TOPAZ1: variants seen among roughly 807,000 people sequenced by gnomAD.
The protein encoded by TOPAZ1 is testis and ovary specific TOPAZ 1, also known as protein TOPAZ1.
In TOPAZ1, 66 loss-of-function variants were observed where a neutral mutation model predicts 172.2. The ratio of observed to expected loss-of-function variants is 0.38; its 90% CI spans 0.31 to 0.47. The LOEUF is 0.47. TOPAZ1 is among the 20% of genes least tolerant of loss of function. The probability of loss-of-function intolerance (pLI) is 0.99; values close to 1 mark genes in which losing one functional copy is unlikely to be tolerated. For synonymous variants in TOPAZ1, 681 were observed against 683.9 expected, an observed-to-expected ratio of 1.00 and a Z score of 0.07; for missense variants, 1,822 against 1,972.4, an observed-to-expected ratio of 0.92 and a Z score of 1.44.
At chr3:44,263,822 C>T (rs564261054) in intron 5 of TOPAZ1, among the ~76,000 whole-genome samples, 8 of 152,150 alleles carry the variant, frequency 5.3e-5, no homozygotes, top group African/African-American at 1.9e-4. Context: ...GTACTTCTCT[C>T]TCTCCCCTTA....
At position 44,328,308 on chromosome 3, in the gene TOPAZ1, T is replaced by G; in HGVS notation, c.4734T>G (p.Leu1578=). The G allele has an allele frequency of 6.6e-7, 1 of 1,517,584 alleles. No individual in the cohort carries two copies. The highest frequency in any genetic ancestry group is 8.8e-7 in the Non-Finnish European group (1 of 1,134,498). 94.0% of individuals were successfully genotyped at this position (1,517,584 alleles called of 1,614,324 possible). A position where few individuals can be genotyped will look rare whatever the true frequency, so the allele number is the denominator to read the frequency against. The part of the protein sequence containing the change: ...PLEGNLYRKL[L]LIPSYLSEIE... ...AAGGAAATTTATACCGAAAACTTCT[T>G]CTAATTCCATCTTATTTATCTGAGA... is the stretch of plus-strand genomic sequence containing the variant. The change falls in exon 19 of 20, where the codon CTT becomes CTG. Residue 1578 remains leucine, a synonymous_variant. Coordinates refer to ENST00000309765, the MANE Select transcript of TOPAZ1 (RefSeq NM_001145030.2).
In TOPAZ1 at chr3:44,243,628, TAA is replaced by T. The variant is rs1441642939; in HGVS notation, c.1125_1126del (p.Pro377PhefsTer10). 1 of 1,550,016 alleles carries T rather than the reference TAA, an allele frequency of 6.5e-7. No homozygotes were observed. Among genetic ancestry groups the T allele is most frequent in the Non-Finnish European group, 8.7e-7 (1 of 1,146,942 alleles). On this transcript the variant is annotated frameshift_variant, in exon 2 of 20. Coordinates refer to ENST00000309765, the MANE Select transcript of TOPAZ1 (RefSeq NM_001145030.2). LOFTEE classifies it high-confidence loss of function. ...TTGCTGATGGTAAAGAAGCAGAGAC[TAA>T]AAGTCCTTTAAATGTTTTGAGAAAA... ...MIADGKEAETKSPLNVLRKVS... is the reference protein window; with the variant it reads ...MIADGKEAETXSPLNVLRKVS...
chr3:44,244,201 A>C lies in TOPAZ1; in HGVS notation c.1695A>C (p.Leu565Phe), dbSNP rs1172771966. Residue 565 changes from leucine (L) to phenylalanine (F), a missense_variant, in exon 2 of 20, where the codon TTA becomes TTC. Around this residue, in one of 2 missense-constraint regions of TOPAZ1, gnomAD observed 1,489 missense variants for 1,490.8 expected, o/e 1.00. Coordinates refer to ENST00000309765, the MANE Select transcript of TOPAZ1 (RefSeq NM_001145030.2). ...CTGAATCTTCAAGTAAAGAAAAATT[A>C]GATTCTAATTCTAATTGTTTGTCTT... ...TNTESSSKEK[L>F]DSNSNCLSSV... 6.5e-7 allele frequency: 1 copy of C among 1,550,118 alleles called. No homozygotes were observed. Among genetic ancestry groups the C allele is most frequent in the East Asian group, 2.4e-5 (1 of 40,922 alleles).
chr3:44,290,354 G>T (rs1700123136), intron 11 of TOPAZ1, among the ~76,000 whole-genome samples: 1 of 152,180 alleles, frequency 6.6e-6, no homozygotes, highest in Admixed American at 6.5e-5. Context: ...CATGTGGGCA[G>T]TTGGTCCACC....
intron 4 of TOPAZ1, among the ~76,000 whole-genome samples, chr3:44,259,762 C>T (rs1194703816): frequency 6.6e-6 from 1 of 152,168 alleles, no homozygotes; most frequent in Non-Finnish European, 1.5e-5. Flanking sequence ...TTTTGTCCAT[C>T]TGCTTATTTT....
At chr3:44,299,173 G>A (rs562444221) in intron 12 of TOPAZ1, among the ~76,000 whole-genome samples, 13 of 151,108 alleles carry the variant, frequency 8.6e-5, no homozygotes, top group Non-Finnish European at 1.5e-4. Context: ...CACCCACCTC[G>A]GCCTCCCAAA....
At chr3:44,274,821 T>C (rs1249973657) in intron 8 of TOPAZ1, among the ~76,000 whole-genome samples, 1 of 152,130 alleles carries the variant, frequency 6.6e-6, no homozygotes, top group Non-Finnish European at 1.5e-5. Context: ...CCCAAAGTGC[T>C]GGGATTACAG....
rs1231093654 is a variant in TOPAZ1 at position 44,323,096 on chromosome 3, T to C, written c.4476T>C (p.Thr1492=). The C allele has an allele frequency of 2.0e-6, 3 of 1,515,716 alleles. No homozygotes were observed. Among genetic ancestry groups the C allele is most frequent in the Middle Eastern group, 1.8e-4 (1 of 5,708 alleles). 93.9% of individuals were successfully genotyped at this position (1,515,716 alleles called of 1,614,324 possible). The part of the protein sequence containing the change: ...NLPGFQNSQE[T]VEVSQYSLLF... ...ATATCATTTTTTTTATTCCAGAAACTGTGGAAGTCTCACAATATAGCCTTC... is the reference window on the plus strand; with the variant it reads ...ATATCATTTTTTTTATTCCAGAAACCGTGGAAGTCTCACAATATAGCCTTC... Residue 1492 remains threonine (T), a synonymous_variant, in exon 18 of 20, where the codon ACT becomes ACC. Transcript: ENST00000309765.
intron 11 of TOPAZ1, 69 bp from the exon 12 acceptor site, chr3:44,290,700 TCA>T: frequency 1.1e-6 from 1 of 888,200 alleles, no homozygotes; most frequent in Non-Finnish European, 1.7e-6. Flanking sequence ...CTTAGTTGTT[TCA>T]CACACATTGG....
At chr3:44,256,088 C>G (rs1035137597) in intron 3 of TOPAZ1, 63 bp from the exon 4 acceptor site, 39 of 1,275,990 alleles carry the variant, frequency 3.1e-5, no homozygotes, top group East Asian at 3.0e-4. Context: ...TTTAGAACAG[C>G]CTTTGAATAA....
At chr3:44,280,567 C>T (rs1486050453) in intron 8 of TOPAZ1, among the ~76,000 whole-genome samples, 1 of 152,080 alleles carries the variant, frequency 6.6e-6, no homozygotes, top group African/African-American at 2.4e-5. Context: ...AGGCTGGTCT[C>T]GAACTCCTAG....
chr3:44,335,086 T>A (rs920773085), downstream of TOPAZ1, among the ~76,000 whole-genome samples: 1 of 152,116 alleles, frequency 6.6e-6, no homozygotes, highest in Non-Finnish European at 1.5e-5. Context: ...TTGGAAGTTA[T>A]GTTTAAGACA....
chr3:44,314,117 T>G (rs540487079), intron 16 of TOPAZ1, among the ~76,000 whole-genome samples: 2 of 152,234 alleles, frequency 1.3e-5, no homozygotes, highest in African/African-American at 2.4e-5. Flanking sequence ...TTAGTAGAGA[T>G]AGGGTTTCAC....
At chr3:44,296,648 A>C (rs1374128461) in intron 12 of TOPAZ1, among the ~76,000 whole-genome samples, 3 of 152,142 alleles carry the variant, frequency 2.0e-5, no homozygotes, top group African/African-American at 4.8e-5. Flanking sequence ...CAACTATGGA[A>C]GAAATTTAAT....
intron 5 of TOPAZ1, among the ~76,000 whole-genome samples, chr3:44,265,765 G>C (rs1042215021): frequency 6.6e-6 from 1 of 152,080 alleles, no homozygotes; most frequent in Non-Finnish European, 1.5e-5. Flanking sequence ...TCATTTATAG[G>C]GCACAGAAAG....
At chr3:44,316,912 G>A (rs1301538340) in intron 16 of TOPAZ1, among the ~76,000 whole-genome samples, 2 of 152,092 alleles carry the variant, frequency 1.3e-5, no homozygotes, top group African/African-American at 4.8e-5. Flanking sequence ...GCATCTCTGT[G>A]TTTCTATGCT....
intron 19 of TOPAZ1, 98 bp from the exon 20 acceptor site, chr3:44,331,694 A>C: frequency 2.1e-6 from 2 of 953,406 alleles, no homozygotes; most frequent in East Asian, 2.6e-5. Context: ...TGAGAAGACT[A>C]TCATAGCTTA....
chr3:44,283,939 T>C (rs1461347564), intron 9 of TOPAZ1, among the ~76,000 whole-genome samples: 1 of 152,202 alleles, frequency 6.6e-6, no homozygotes, highest in Non-Finnish European at 1.5e-5. Flanking sequence ...GTCTAATTTA[T>C]TATTTATATT....
At chr3:44,318,865 AAT>A (rs995445907) in intron 16 of TOPAZ1, among the ~76,000 whole-genome samples, 1 of 147,978 alleles carries the variant, frequency 6.8e-6, no homozygotes, top group Non-Finnish European at 1.5e-5. Flanking sequence ...TATATATAAA[AAT>A]ATATATATAT....
Sources: allele counts gnomAD v4.1 joint callset (sites outside exome capture counted in the v4.1 genomes callset), GRCh38; gene constraint gnomAD v4.1.1; regional missense constraint gnomAD v4.1.1; transcripts MANE v1.5; gene names NCBI Gene and HGNC (gene_info 2026-07-23, HGNC 2026-07-21).